CCSER1: variants seen among roughly 807,000 people sequenced by gnomAD.
CCSER1 encodes the protein serine-rich coiled-coil domain-containing protein 1.
CCSER1 carries 41 observed loss-of-function variants against 82.0 expected under a neutral mutation model. The ratio of observed to expected loss-of-function variants is 0.50; its 90% CI spans 0.39 to 0.65. The LOEUF is 0.65. CCSER1 is among the 30% of genes least tolerant of loss of function. The pLI is 0.00. For synonymous variants in CCSER1, 414 were observed against 383.9 expected, an observed-to-expected ratio of 1.08 and a Z score of -0.92; for missense variants, 1,119 against 1,064.2, an observed-to-expected ratio of 1.05 and a Z score of -0.72.
intron 10 of CCSER1, among the ~76,000 whole-genome samples, chr4:91,177,138 T>C (rs1733476334): frequency 6.6e-6 from 1 of 152,220 alleles, no homozygotes; most frequent in Non-Finnish European, 1.5e-5. Context: ...TTTGCATATG[T>C]TGAACCAGCC....
chr4:91,252,510 G>T (rs1740329925), intron 10 of CCSER1, among the ~76,000 whole-genome samples: 1 of 152,150 alleles, frequency 6.6e-6, no homozygotes, highest in Non-Finnish European at 1.5e-5. Context: ...AGACTACATA[G>T]ATTCAGAAAT....
At chr4:90,160,251 CACTG>C (rs1390754669) in intron 1 of CCSER1, among the ~76,000 whole-genome samples, 1 of 152,178 alleles carries the variant, frequency 6.6e-6, no homozygotes, top group Non-Finnish European at 1.5e-5. Context: ...GGAAATGTGA[CACTG>C]ACAGTCTGTC....
chr4:90,217,949 C>T (rs1223158785), intron 1 of CCSER1, among the ~76,000 whole-genome samples: 1 of 151,948 alleles, frequency 6.6e-6, no homozygotes, highest in African/African-American at 2.4e-5. Context: ...ACACACACCA[C>T]CACATCTGGC....
chr4:90,216,093 T>C (rs1740963398), intron 1 of CCSER1, among the ~76,000 whole-genome samples: 1 of 152,198 alleles, frequency 6.6e-6, no homozygotes, highest in African/African-American at 2.4e-5. Context: ...AGAAACTTTT[T>C]ATATAACACA....
intron 9 of CCSER1, among the ~76,000 whole-genome samples, chr4:90,978,758 T>C (rs184630083): frequency 2.2e-3 from 327 of 151,850 alleles, no homozygotes; most frequent in Non-Finnish European, 3.0e-3. Flanking sequence ...TTATATGTTT[T>C]GTATGCATGG....
chr4:91,329,998 C>T (rs1746835541), intron 10 of CCSER1, among the ~76,000 whole-genome samples: 1 of 151,876 alleles, frequency 6.6e-6, no homozygotes, highest in African/African-American at 2.4e-5. Context: ...GAGTTTTCCT[C>T]TGCTGTATTC....
intron 9 of CCSER1, among the ~76,000 whole-genome samples, chr4:91,064,034 C>T (rs1296343459): frequency 3.3e-5 from 5 of 152,120 alleles, no homozygotes; most frequent in Non-Finnish European, 4.4e-5. Flanking sequence ...TCTTTTCTTT[C>T]ACTCTCCCTT....
At chr4:90,154,176 T>C (rs918654093) in intron 1 of CCSER1, among the ~76,000 whole-genome samples, 8 of 152,194 alleles carry the variant, frequency 5.3e-5, no homozygotes, top group Non-Finnish European at 1.0e-4. Flanking sequence ...TTGTCAAAGA[T>C]CAGATAGTTT....
chr4:90,719,271 A>G (rs11946066), intron 6 of CCSER1, among the ~76,000 whole-genome samples: 2,267 of 152,004 alleles, frequency 0.015, 58 homozygotes, highest in African/African-American at 0.052. Context: ...TCCTTATGAG[A>G]TTCTAATGCC....
At chr4:90,686,439 C>T (rs1015558906) in intron 6 of CCSER1, among the ~76,000 whole-genome samples, 1 of 151,742 alleles carries the variant, frequency 6.6e-6, no homozygotes, top group African/African-American at 2.4e-5. Context: ...AAATATTCTG[C>T]CCAGTATCCA....
chr4:90,797,681 C>T (rs1756230404), intron 7 of CCSER1, among the ~76,000 whole-genome samples: 2 of 152,210 alleles, frequency 1.3e-5, no homozygotes, highest in African/African-American at 4.8e-5. Flanking sequence ...GTAACAAATT[C>T]CCTCAGCATT....
intron 10 of CCSER1, among the ~76,000 whole-genome samples, chr4:91,268,125 T>C (rs921054108): frequency 2.0e-5 from 3 of 152,228 alleles, no homozygotes; most frequent in Admixed American, 2.0e-4. Context: ...AAATTAATCA[T>C]ACCAAAATTT....
At chr4:91,335,415 AG>A (rs1408556033) in intron 10 of CCSER1, among the ~76,000 whole-genome samples, 1 of 152,098 alleles carries the variant, frequency 6.6e-6, no homozygotes, top group Non-Finnish European at 1.5e-5. Flanking sequence ...GTGGCTGTGA[AG>A]GAAAGGAGAG....
At chr4:90,986,248 C>G (rs1381828770) in intron 9 of CCSER1, among the ~76,000 whole-genome samples, 1 of 151,612 alleles carries the variant, frequency 6.6e-6, no homozygotes, top group Admixed American at 6.6e-5. Flanking sequence ...TTTCTCTTAA[C>G]TTATACTGGA....
intron 10 of CCSER1, among the ~76,000 whole-genome samples, chr4:91,218,703 T>G (rs1581790827): frequency 1.3e-5 from 2 of 152,350 alleles, no homozygotes; most frequent in Middle Eastern, 6.8e-3. Context: ...AGCCCTTCTC[T>G]TGCTTTAGGA....
At chr4:91,286,012 A>T (rs1743250445) in intron 10 of CCSER1, among the ~76,000 whole-genome samples, 1 of 151,474 alleles carries the variant, frequency 6.6e-6, no homozygotes, top group South Asian at 2.1e-4. Context: ...AGGTGTGATG[A>T]ATACTTTCCT....
intron 10 of CCSER1, among the ~76,000 whole-genome samples, chr4:91,187,474 C>G (rs1284953662): frequency 6.6e-6 from 1 of 151,802 alleles, no homozygotes; most frequent in African/African-American, 2.4e-5. Flanking sequence ...GATGTTTCCC[C>G]AGAGGGTTGT....
At chr4:90,367,220 C>A (rs1242795232) in intron 3 of CCSER1, among the ~76,000 whole-genome samples, 1 of 137,918 alleles carries the variant, frequency 7.3e-6, no homozygotes, top group Non-Finnish European at 1.5e-5. Context: ...GACAAATATT[C>A]TGTTCTGGAA....
chr4:91,149,037 G>C (rs1321719436), intron 10 of CCSER1, among the ~76,000 whole-genome samples: 2 of 152,040 alleles, frequency 1.3e-5, no homozygotes, highest in Non-Finnish European at 2.9e-5. Context: ...TCTAGATCTA[G>C]ATCCTTGAGG....
Sources: gnomAD v4.1 joint callset for allele counts (sites outside exome capture counted in the v4.1 genomes callset) on GRCh38, gnomAD v4.1.1 for gene constraint, MANE v1.5 for transcripts, NCBI Gene and HGNC (gene_info 2026-07-23, HGNC 2026-07-21) for gene names.